IRAG2: variants seen among roughly 807,000 people sequenced by gnomAD.
IRAG2 encodes inositol 1,4,5-triphosphate receptor associated 2.
A neutral mutation model predicts 69.9 loss-of-function variants in IRAG2; 45 were observed. The ratio of observed to expected loss-of-function variants is 0.64; its 90% CI spans 0.51 to 0.83. IRAG2 has a LOEUF of 0.83. IRAG2 is among the 40% of genes least tolerant of loss of function. The pLI, the probability that IRAG2 is intolerant of heterozygous loss-of-function variation, is 0.00. For synonymous variants in IRAG2, 193 were observed against 202.4 expected (o/e 0.95, Z 0.40); for missense variants, 520 against 587.0 (o/e 0.89, Z 1.18).
intron 14 of IRAG2, among the ~76,000 whole-genome samples, chr12:25,091,759 C>T (rs1023272337): frequency 1.3e-5 from 2 of 152,144 alleles, no homozygotes; most frequent in Admixed American, 6.5e-5. Context: ...TCCAAATCTT[C>T]ACCAACACTT....
At chr12:25,065,949 C>T (rs11047803) in intron 4 of IRAG2, among the ~76,000 whole-genome samples, 15,009 of 152,136 alleles carry the variant, frequency 0.099, 1,005 homozygotes, top group Admixed American at 0.16. Flanking sequence ...GGATTACAGG[C>T]GTGAGCCACC....
intron 6 of IRAG2, among the ~76,000 whole-genome samples, chr12:25,070,423 C>A (rs1421986882): frequency 1.3e-5 from 2 of 152,180 alleles, no homozygotes; most frequent in Non-Finnish European, 2.9e-5. Context: ...AGGTTCTCAG[C>A]ATAAGGTTCT....
At position 25,052,810 on chromosome 12, in the gene IRAG2, G is replaced by C. The variant is rs750779326; in HGVS notation, c.-593G>C. The C allele has an allele frequency of 1.3e-5, 5 of 398,486 alleles. No individual in the cohort carries two copies. The highest frequency in any genetic ancestry group is 2.1e-5 in the African/African-American group (1 of 48,620). The allele number at this position is 398,486 out of a possible 1,614,324, so 24.7% of individuals were successfully genotyped here. A position where few individuals can be genotyped will look rare whatever the true frequency, so the allele number is the denominator to read the frequency against. ...CATGTCCAGGGTAAGGATCGAGATC[G>C]AGAAGCCCACACTGCCAGTGAAAAA... On this transcript the variant is annotated 5_prime_UTR_variant, in exon 1 of 22. Coordinates refer to ENST00000556887, the MANE Select transcript of IRAG2 (RefSeq NM_001366544.2).
Position 25,099,728 on chromosome 12 carries a change from G to A in IRAG2, c.742-1450G>A, listed in dbSNP as rs932972824. On this transcript the variant is annotated intron_variant, in intron 15 of 21. Coordinates refer to ENST00000556887, the MANE Select transcript of IRAG2 (RefSeq NM_001366544.2). ...GGTTTGAAAGGATGTGTGGCCGGGCGCGGTGACTCACGCCTGTAATCCTAG... is the reference window on the plus strand; with the variant it reads ...GGTTTGAAAGGATGTGTGGCCGGGCACGGTGACTCACGCCTGTAATCCTAG... Among the ~76,000 whole-genome samples, 12 of 152,046 alleles carry A rather than the reference G, an allele frequency of 7.9e-5. No individual in the cohort carries two copies. The East Asian group carries it at 9.7e-4, about 12-fold the overall frequency.
intron 1 of IRAG2, among the ~76,000 whole-genome samples, chr12:25,056,117 A>C (rs1354256777): frequency 1.3e-5 from 2 of 151,956 alleles, no homozygotes; most frequent in Non-Finnish European, 2.9e-5. Flanking sequence ...CACTGCAAAC[A>C]CTCTTTTAGC....
Position 25,096,984 on chromosome 12 carries a change from T to C in IRAG2, c.681T>C (p.Phe227=), listed in dbSNP as rs757751657. 6.2e-7 allele frequency: 1 copy of C among 1,613,876 alleles called. No homozygotes were observed. The highest frequency in any genetic ancestry group is 1.1e-5 in the South Asian group (1 of 91,064). The change falls in exon 15 of 22, where the codon TTT becomes TTC. Residue 227 remains phenylalanine, a synonymous_variant. Transcript: ENST00000556887. ...IIKKLEKSIK[F]LSQCAARVAS... The stretch of plus-strand genomic sequence containing the variant: ...AGAAGCTGGAGAAGAGTATAAAGTT[T>C]CTTAGCCAGTGTGCAGCACGAGTGG...
At chr12:25,086,820 AC>A (rs1947637603) in intron 10 of IRAG2, among the ~76,000 whole-genome samples, 1 of 152,166 alleles carries the variant, frequency 6.6e-6, no homozygotes, top group African/African-American at 2.4e-5. Context: ...TGGTGAGAAC[AC>A]TTTTCTTGGA....
intron 2 of IRAG2, among the ~76,000 whole-genome samples, chr12:25,011,082 T>G (rs1464004482): frequency 6.6e-6 from 1 of 152,218 alleles, no homozygotes; most frequent in Non-Finnish European, 1.5e-5. Flanking sequence ...CGCAACTCTG[T>G]GTGATAGGTA....
chr12:25,021,392 A>G (rs577317566), intron 7 of IRAG2, among the ~76,000 whole-genome samples: 1 of 152,174 alleles, frequency 6.6e-6, no homozygotes, highest in African/African-American at 2.4e-5. Context: ...AAAATATCTG[A>G]TACTAAAAAC....
chr12:25,017,348 T>TA (rs901830228), intron 6 of IRAG2: 2 of 1,208,120 alleles, frequency 1.7e-6, no homozygotes, highest in South Asian at 4.2e-5. Flanking sequence ...TTTCTTTTTT[T>TA]AAAAAACCTT....
chr12:25,103,704 C>G, intron 17 of IRAG2, 133 bp from the exon 18 acceptor site: 1 of 631,316 alleles, frequency 1.6e-6, no homozygotes, highest in Non-Finnish European at 2.7e-6. Flanking sequence ...CAAGAGGATC[C>G]TTTAAGATAT....
intron 7 of IRAG2, among the ~76,000 whole-genome samples, chr12:25,021,198 A>C (rs1394679768): frequency 6.8e-6 from 1 of 147,802 alleles, no homozygotes; most frequent in Non-Finnish European, 1.5e-5. Flanking sequence ...TCGACCTCCC[A>C]GGCTCAAGCG....
At chr12:25,015,560 T>A in intron 5 of IRAG2, 1 of 483,590 alleles carries the variant, frequency 2.1e-6, no homozygotes, top group Non-Finnish European at 3.3e-6. Context: ...TAACTGATTT[T>A]AAATTCTTCA....
At position 25,106,981 on chromosome 12, in the gene IRAG2, T is replaced by C; in HGVS notation, c.1187T>C (p.Val396Ala). 6.2e-7 allele frequency: 1 copy of C among 1,607,770 alleles called. No homozygotes were observed. The highest frequency in any genetic ancestry group is 8.5e-7 in the Non-Finnish European group (1 of 1,176,170). Reference sequence around the variant, plus strand: ...TCAGAGCCATCTGGAGAAGAAACAGTAGAAAGGACAAGGAAGCCAAGTCTT... The same window carrying C: ...TCAGAGCCATCTGGAGAAGAAACAGCAGAAAGGACAAGGAAGCCAAGTCTT... Reference protein sequence around the residue: ...DDSEPSGEETVERTRKPSLSE... With the variant: ...DDSEPSGEETAERTRKPSLSE... The change falls in exon 21 of 22, where the codon GTA becomes GCA. Residue 396 changes from valine (V) to alanine (A), a missense_variant. Physicochemically the swap from Val to Ala is moderately conservative, Grantham distance 64 (BLOSUM62 0). Transcript: ENST00000556887.
At chr12:25,102,051 ATGAT>A (rs1948784677) in intron 16 of IRAG2, 143 bp from the exon 17 acceptor site, 7 of 708,846 alleles carry the variant, frequency 9.9e-6, no homozygotes, top group Non-Finnish European at 1.8e-5. Context: ...AATGAAATGA[ATGAT>A]AAACAGATAT....
At chr12:25,013,466 A>G (rs1277944993) in intron 3 of IRAG2, among the ~76,000 whole-genome samples, 2 of 152,234 alleles carry the variant, frequency 1.3e-5, no homozygotes, top group South Asian at 2.1e-4. Context: ...CAAGAGAGCA[A>G]GGCCCTGTCT....
At chr12:25,016,642 A>G (rs1303049821) in intron 5 of IRAG2, among the ~76,000 whole-genome samples, 3 of 152,094 alleles carry the variant, frequency 2.0e-5, no homozygotes, top group African/African-American at 7.2e-5. Flanking sequence ...GCATGCCTGT[A>G]GTCCCAGCTA....
At chr12:25,019,209 G>A (rs61240261) in intron 6 of IRAG2, among the ~76,000 whole-genome samples, 20,621 of 152,180 alleles carry the variant, frequency 0.14, 1,855 homozygotes, top group South Asian at 0.34. Flanking sequence ...TGTGTTACAA[G>A]CAATACTCTT....
Position 25,052,810 on chromosome 12 carries a change from G to A in IRAG2, c.-593G>A, listed in dbSNP as rs750779326. Reference sequence around the variant, plus strand: ...CATGTCCAGGGTAAGGATCGAGATCGAGAAGCCCACACTGCCAGTGAAAAA... The same window carrying A: ...CATGTCCAGGGTAAGGATCGAGATCAAGAAGCCCACACTGCCAGTGAAAAA... On this transcript the variant is annotated 5_prime_UTR_variant, in exon 1 of 22. Coordinates refer to ENST00000556887, the MANE Select transcript of IRAG2 (RefSeq NM_001366544.2). 24 of 398,486 alleles carry A rather than the reference G, an allele frequency of 6.0e-5. No individual in the cohort carries two copies. The highest frequency in any genetic ancestry group is 9.3e-5 in the Non-Finnish European group (21 of 226,086). The allele number at this position is 398,486 out of a possible 1,614,324, so 24.7% of individuals were successfully genotyped here.
Sources: allele counts gnomAD v4.1 joint callset (sites outside exome capture counted in the v4.1 genomes callset), GRCh38; gene constraint gnomAD v4.1.1; transcripts MANE v1.5; gene names NCBI Gene and HGNC (gene_info 2026-07-23, HGNC 2026-07-21).